DLGAP1: variants seen among roughly 807,000 people sequenced by gnomAD.
The protein encoded by DLGAP1 is disks large-associated protein 1.
In DLGAP1, 11 loss-of-function variants were observed where a neutral mutation model predicts 90.8. That is an observed-to-expected ratio of 0.12 (90% confidence interval 0.08 to 0.20). The LOEUF (loss-of-function observed/expected upper bound fraction) is 0.20, where lower values mean the gene tolerates loss of function less well. Ranked by LOEUF, DLGAP1 falls within the 10% of genes least tolerant of loss-of-function variation. The pLI, the probability that DLGAP1 is intolerant of heterozygous loss-of-function variation, is 1.00. For missense variants in DLGAP1, 1,050 were observed against 1,333.8 expected, an observed-to-expected ratio of 0.79 and a Z score of 3.31; for synonymous variants, 558 against 540.7, an observed-to-expected ratio of 1.03 and a Z score of -0.44.
At chr18:3,681,278 A>G (rs984967466) in intron 7 of DLGAP1, among the ~76,000 whole-genome samples, 1 of 152,248 alleles carries the variant, frequency 6.6e-6, no homozygotes, top group African/African-American at 2.4e-5. Flanking sequence ...CATTTCTCAT[A>G]ATAATTTGTG....
At chr18:4,270,338 A>C (rs1444574246) in intron 1 of DLGAP1, among the ~76,000 whole-genome samples, 2 of 152,164 alleles carry the variant, frequency 1.3e-5, no homozygotes, top group Admixed American at 1.3e-4. Context: ...ACCTACTCTT[A>C]GGCAGCAACA....
intron 9 of DLGAP1, among the ~76,000 whole-genome samples, chr18:3,536,852 G>A (rs1363167959): frequency 1.3e-5 from 2 of 152,132 alleles, no homozygotes; most frequent in Admixed American, 6.5e-5. Context: ...GGTGGGAGGG[G>A]AGAGACACGA....
At chr18:4,127,268 A>T (rs2076246473) in intron 2 of DLGAP1, among the ~76,000 whole-genome samples, 1 of 152,164 alleles carries the variant, frequency 6.6e-6, no homozygotes, top group African/African-American at 2.4e-5. Flanking sequence ...GAGAAAATAG[A>T]TTAGCAGTCA....
intron 1 of DLGAP1, among the ~76,000 whole-genome samples, chr18:4,181,234 G>A (rs1314353802): frequency 6.6e-6 from 1 of 152,130 alleles, no homozygotes; most frequent in East Asian, 1.9e-4. Flanking sequence ...GTTATTTCAT[G>A]TGATGAACTC....
At chr18:4,198,082 G>A (rs987598713) in intron 1 of DLGAP1, among the ~76,000 whole-genome samples, 2 of 152,000 alleles carry the variant, frequency 1.3e-5, no homozygotes, top group African/African-American at 4.8e-5. Flanking sequence ...AATCAGCCGG[G>A]GCGTGGTGGT....
rs983856112 is a variant in DLGAP1, at chr18:3,636,556, C to T, written c.1592-54308G>A. Among the ~76,000 whole-genome samples the T allele has an allele frequency of 1.4e-4, 21 of 149,966 alleles. 1 individual carries two copies. The highest frequency in any genetic ancestry group is 2.7e-4 in the African/African-American group (11 of 40,724). On this transcript the variant is annotated intron_variant, in intron 7 of 12. Transcript: ENST00000315677. ...CCTCCCGAGGAGCTGGGACTACAGA[C>T]GCACGCCACAATGCATGGCTAAATT... is the stretch of plus-strand genomic sequence containing the variant.
chr18:3,628,928 T>C (rs1360870376), intron 7 of DLGAP1, among the ~76,000 whole-genome samples: 1 of 152,204 alleles, frequency 6.6e-6, no homozygotes, highest in African/African-American at 2.4e-5. Context: ...ATTTGAACAA[T>C]GCCACCATGA....
chr18:4,055,322 G>C (rs1568371699), intron 2 of DLGAP1, among the ~76,000 whole-genome samples: 3 of 152,110 alleles, frequency 2.0e-5, no homozygotes, highest in Admixed American at 6.5e-5. Flanking sequence ...ACATGTGCTG[G>C]TTTGCCATAT....
At chr18:3,942,747 C>T (rs940958827) in intron 3 of DLGAP1, among the ~76,000 whole-genome samples, 4 of 152,204 alleles carry the variant, frequency 2.6e-5, no homozygotes, top group African/African-American at 9.7e-5. Context: ...TCATTTTGAA[C>T]AGTACCTAAC....
intron 4 of DLGAP1, among the ~76,000 whole-genome samples, chr18:3,826,706 G>A (rs1452585987): frequency 6.6e-6 from 1 of 152,170 alleles, no homozygotes; most frequent in Non-Finnish European, 1.5e-5. Context: ...GCTGTGGCAT[G>A]TACTTGGGGT....
intron 5 of DLGAP1, among the ~76,000 whole-genome samples, chr18:3,776,831 C>T (rs1215301570): frequency 6.6e-6 from 1 of 152,206 alleles, no homozygotes; most frequent in Admixed American, 6.5e-5. Context: ...CACTCTGTCA[C>T]CCAGGCTGGA....
chr18:4,335,545 T>G (rs913583780), intron 1 of DLGAP1, among the ~76,000 whole-genome samples: 2 of 149,692 alleles, frequency 1.3e-5, no homozygotes, highest in African/African-American at 5.1e-5. Flanking sequence ...TTACTTTAAC[T>G]GCAATGGGAA....
chr18:4,314,261 G>A (rs1229694087), intron 1 of DLGAP1, among the ~76,000 whole-genome samples: 1 of 152,158 alleles, frequency 6.6e-6, no homozygotes, highest in East Asian at 1.9e-4. Context: ...TTGACTGGAG[G>A]ACACCAGCTG....
chr18:3,580,314 A>T, intron 8 of DLGAP1: 3 of 1,613,946 alleles, frequency 1.9e-6, no homozygotes, highest in Non-Finnish European at 2.5e-6. Context: ...ACCAAAAGGC[A>T]CAAGTCCCTT....
chr18:3,800,552 A>G (rs2066240643), intron 5 of DLGAP1, among the ~76,000 whole-genome samples: 1 of 152,270 alleles, frequency 6.6e-6, no homozygotes, highest in Non-Finnish European at 1.5e-5. Context: ...ATGTATAAAG[A>G]AAGTTTAGAC....
intron 1 of DLGAP1, among the ~76,000 whole-genome samples, chr18:4,437,565 AAAAAGT>A (rs1197136209): frequency 6.6e-6 from 1 of 152,222 alleles, no homozygotes; most frequent in Non-Finnish European, 1.5e-5. Flanking sequence ...TGACAAGAAA[AAAAAGT>A]TTGTCCATGT....
chr18:4,314,630 T>G (rs753010218), intron 1 of DLGAP1, among the ~76,000 whole-genome samples: 1 of 152,236 alleles, frequency 6.6e-6, no homozygotes, highest in Non-Finnish European at 1.5e-5. Flanking sequence ...CCAGGCTTGT[T>G]GGCCTTACTG....
chr18:3,559,721 C>A (rs1055802788), intron 9 of DLGAP1, among the ~76,000 whole-genome samples: 6 of 149,760 alleles, frequency 4.0e-5, no homozygotes, highest in African/African-American at 7.4e-5. Context: ...CTCCTGGGTT[C>A]AAGTGATTCT....
At position 4,454,753 on chromosome 18, in the gene DLGAP1, A is replaced by G. The variant is rs2144942711; in HGVS notation, c.-267+253T>C. Among the ~76,000 whole-genome samples, 1 of 151,862 alleles carries G rather than the reference A, an allele frequency of 6.6e-6. No homozygotes were observed. The highest frequency in any genetic ancestry group is 2.0e-4 in the East Asian group (1 of 5,072). On this transcript the variant is annotated intron_variant, in intron 1 of 12. Coordinates refer to ENST00000315677, the MANE Select transcript of DLGAP1 (RefSeq NM_004746.4). The surrounding 1 kb of genome is among the most constrained non-coding windows in gnomAD (Gnocchi z 4.7). ...TGGGTCCCCGTGGGGAGCCGCGAGG[A>G]CCGCATGGCCGGAGAGGACGCGCTC...
Sources: allele counts gnomAD v4.1 joint callset (sites outside exome capture counted in the v4.1 genomes callset), GRCh38; gene constraint gnomAD v4.1.1; non-coding constraint Gnocchi (gnomAD v3.1); transcripts MANE v1.5; gene names NCBI Gene and HGNC (gene_info 2026-07-23, HGNC 2026-07-21).